Variants in CLIC5 observed in about 807,000 individuals in gnomAD.
CLIC5 encodes CLIC family member 5.
In CLIC5, 20 loss-of-function variants were observed where a neutral mutation model predicts 24.7. The observed-to-expected ratio is 0.81, with a 90% CI of 0.57 to 1.18. The LOEUF (loss-of-function observed/expected upper bound fraction) is 1.18, where lower values mean the gene tolerates loss of function less well. Ranked by LOEUF, CLIC5 falls within the 50% of genes most tolerant of loss-of-function variation. The probability of loss-of-function intolerance (pLI) is 0.00; values close to 1 mark genes in which losing one functional copy is unlikely to be tolerated. For missense variants in CLIC5, 341 were observed against 326.1 expected, an observed-to-expected ratio of 1.05 and a Z score of -0.35; for synonymous variants, 159 against 135.6, an observed-to-expected ratio of 1.17 and a Z score of -1.20.
the CLIC5 span, among the ~76,000 whole-genome samples, chr6:46,096,116 C>G: frequency 6.6e-6 from 1 of 152,170 alleles, no homozygotes; most frequent in African/African-American, 2.4e-5. Context: ...ATGGCAGGAA[C>G]AAGACCAAGA....
intron 1 of CLIC5, among the ~76,000 whole-genome samples, chr6:46,041,588 T>A (rs554209592): frequency 1.3e-5 from 2 of 152,316 alleles, no homozygotes; most frequent in East Asian, 3.9e-4. Context: ...TTGGTTGTTG[T>A]TTCAAAACCA....
intron 1 of CLIC5, among the ~76,000 whole-genome samples, chr6:46,031,764 G>A (rs915199328): frequency 3.3e-5 from 5 of 150,910 alleles, no homozygotes; most frequent in Non-Finnish European, 7.4e-5. Context: ...AATATGGAAT[G>A]ACATGAAAAG....
At chr6:46,097,471 C>G in the CLIC5 span, 5 of 152,232 alleles carry the variant, frequency 3.3e-5, no homozygotes, top group African/African-American at 1.2e-4. Context: ...TGCTGCTCAA[C>G]CCCTGTGCAG....
intron 2 of CLIC5, among the ~76,000 whole-genome samples, chr6:45,953,273 A>C (rs949019111): frequency 1.3e-5 from 2 of 152,134 alleles, no homozygotes; most frequent in Non-Finnish European, 2.9e-5. Context: ...CCAGTTGTAA[A>C]GCATTAGGGG....
chr6:46,000,873 A>G (rs1309208381), intron 1 of CLIC5, among the ~76,000 whole-genome samples: 4 of 152,196 alleles, frequency 2.6e-5, no homozygotes, highest in Non-Finnish European at 5.9e-5. Flanking sequence ...GCCAAACCAT[A>G]TCACAGAGCC....
intron 1 of CLIC5, among the ~76,000 whole-genome samples, chr6:45,978,784 T>C (rs1384079913): frequency 1.3e-5 from 2 of 152,088 alleles, no homozygotes; most frequent in South Asian, 2.1e-4. Context: ...ATCCCATCTC[T>C]ACTAAAAATA....
chr6:46,100,600 T>C, the CLIC5 span, among the ~76,000 whole-genome samples: 1 of 152,184 alleles, frequency 6.6e-6, no homozygotes, highest in Non-Finnish European at 1.5e-5. Flanking sequence ...CTCAAGTGGA[T>C]GGGTGCCATT....
intron 1 of CLIC5, among the ~76,000 whole-genome samples, chr6:46,057,234 G>C (rs949535493): frequency 6.6e-6 from 1 of 152,218 alleles, no homozygotes; most frequent in Non-Finnish European, 1.5e-5. Flanking sequence ...GAGGGACCCA[G>C]GGGGAGGTAA....
At chr6:45,921,045 G>A (rs538010980) in intron 4 of CLIC5, among the ~76,000 whole-genome samples, 9 of 152,276 alleles carry the variant, frequency 5.9e-5, no homozygotes, top group African/African-American at 2.2e-4. Context: ...AAAGAGAACA[G>A]TAGCCCAGTT....
chr6:46,055,771 C>A (rs1447325483), intron 1 of CLIC5, among the ~76,000 whole-genome samples: 2 of 152,182 alleles, frequency 1.3e-5, no homozygotes, highest in East Asian at 3.9e-4. Context: ...CAGCTGGAAT[C>A]CTCACAGTCC....
At chr6:46,057,694 C>CT (rs983032528) in intron 1 of CLIC5, among the ~76,000 whole-genome samples, 1 of 152,182 alleles carries the variant, frequency 6.6e-6, no homozygotes, top group African/African-American at 2.4e-5. Flanking sequence ...AGGCAACTGT[C>CT]TTTTTGGGCT....
intron 1 of CLIC5, among the ~76,000 whole-genome samples, chr6:46,023,023 G>T (rs1200096149): frequency 6.6e-6 from 1 of 152,102 alleles, no homozygotes; most frequent in Non-Finnish European, 1.5e-5. Flanking sequence ...TTACAAACAG[G>T]CTAATATGTC....
intron 1 of CLIC5, among the ~76,000 whole-genome samples, chr6:45,982,343 C>T (rs556200423): frequency 6.6e-6 from 1 of 152,172 alleles, no homozygotes; most frequent in South Asian, 2.1e-4. Flanking sequence ...CCAGTCCTTT[C>T]AGTGGATGAG....
the CLIC5 span, among the ~76,000 whole-genome samples, chr6:46,099,989 A>AC: frequency 6.6e-6 from 1 of 151,946 alleles, no homozygotes; most frequent in East Asian, 1.9e-4. Flanking sequence ...AAGGCCATAA[A>AC]AAAAAAAAAC....
chr6:45,945,966 A>G (rs978822297), intron 3 of CLIC5, among the ~76,000 whole-genome samples: 2 of 152,258 alleles, frequency 1.3e-5, no homozygotes, highest in Non-Finnish European at 2.9e-5. Flanking sequence ...TACAGCATCT[A>G]TGTGCTAGGA....
At chr6:46,126,627 T>C in the CLIC5 span, among the ~76,000 whole-genome samples, 1 of 152,210 alleles carries the variant, frequency 6.6e-6, no homozygotes, top group South Asian at 2.1e-4. Flanking sequence ...AATGCAATGA[T>C]TCATAAGGTC....
intron 4 of CLIC5, among the ~76,000 whole-genome samples, chr6:45,929,975 A>G (rs1763664441): frequency 6.6e-6 from 1 of 152,172 alleles, no homozygotes; most frequent in Non-Finnish European, 1.5e-5. Flanking sequence ...AGACAGGGCC[A>G]CTGTGACACG....
the CLIC5 span, among the ~76,000 whole-genome samples, chr6:46,102,021 G>A: frequency 6.6e-6 from 1 of 151,944 alleles, no homozygotes; most frequent in Non-Finnish European, 1.5e-5. Flanking sequence ...GATAATAGAA[G>A]GGTAAATTTA....
the CLIC5 span, among the ~76,000 whole-genome samples, chr6:46,126,801 A>C: frequency 0.45 from 67,800 of 151,622 alleles, 16,390 homozygotes; most frequent in South Asian, 0.68. Context: ...TTTCTTTGGG[A>C]AGCGTGTGGC....
Sources: gnomAD v4.1 joint callset for allele counts (sites outside exome capture counted in the v4.1 genomes callset) on GRCh38, gnomAD v4.1.1 for gene constraint, MANE v1.5 for transcripts, NCBI Gene and HGNC (gene_info 2026-07-23, HGNC 2026-07-21) for gene names.